The following C8orf34 variants were observed in gnomAD, a reference collection of about 807,000 sequenced individuals.
C8orf34 encodes the protein chromosome 8 open reading frame 34, also known as uncharacterized protein C8orf34.
C8orf34 carries 65 observed loss-of-function variants against 68.3 expected under a neutral mutation model. The observed-to-expected ratio is 0.95, with a 90% CI of 0.78 to 1.17. The LOEUF (loss-of-function observed/expected upper bound fraction) is 1.17, where lower values mean the gene tolerates loss of function less well. C8orf34 is among the 50% of genes most tolerant of loss of function. C8orf34 has a pLI of 0.00. For synonymous variants in C8orf34, 244 were observed against 241.2 expected (o/e 1.01, Z -0.11); for missense variants, 664 against 655.4 (o/e 1.01, Z -0.14).
At chr8:68,375,914 A>G (rs1807772874) in intron 1 of C8orf34, among the ~76,000 whole-genome samples, 1 of 152,184 alleles carries the variant, frequency 6.6e-6, no homozygotes, top group Non-Finnish European at 1.5e-5. Flanking sequence ...ATAGGTTTGA[A>G]TCAAGTCAAG....
chr8:68,634,124 G>T (rs998997048), intron 7 of C8orf34, among the ~76,000 whole-genome samples: 3 of 152,162 alleles, frequency 2.0e-5, no homozygotes, highest in African/African-American at 7.2e-5. Flanking sequence ...AGGCTTACAG[G>T]TTGAGATATT....
intron 12 of C8orf34, among the ~76,000 whole-genome samples, chr8:68,802,985 T>C (rs1824375869): frequency 6.6e-6 from 1 of 152,120 alleles, no homozygotes; most frequent in Admixed American, 6.6e-5. Context: ...ATCTGAGTAG[T>C]CGTATATCTA....
At chr8:68,408,051 C>A (rs1809276115) in intron 1 of C8orf34, among the ~76,000 whole-genome samples, 1 of 152,050 alleles carries the variant, frequency 6.6e-6, no homozygotes, top group Non-Finnish European at 1.5e-5. Context: ...GGCAAACGAG[C>A]AAAGCTTCAT....
At chr8:68,569,329 G>A (rs1816694808) in intron 7 of C8orf34, among the ~76,000 whole-genome samples, 1 of 152,238 alleles carries the variant, frequency 6.6e-6, no homozygotes, top group South Asian at 2.1e-4. Context: ...CTCTACATCT[G>A]GTGTTAGGCT....
At chr8:68,687,869 A>G (rs1195331765) in intron 8 of C8orf34, among the ~76,000 whole-genome samples, 1 of 152,168 alleles carries the variant, frequency 6.6e-6, no homozygotes, top group Non-Finnish European at 1.5e-5. Context: ...TGCATCTGAC[A>G]AAGGACTAGT....
intron 3 of C8orf34, among the ~76,000 whole-genome samples, chr8:68,457,924 G>A (rs1051226050): frequency 3.3e-5 from 5 of 152,060 alleles, no homozygotes; most frequent in Admixed American, 3.3e-4. Context: ...CTTAAATAAT[G>A]TTTTCAATCT....
chr8:68,576,311 C>T (rs1324403409), intron 7 of C8orf34, among the ~76,000 whole-genome samples: 1 of 148,442 alleles, frequency 6.7e-6, no homozygotes, highest in African/African-American at 2.6e-5. Flanking sequence ...ACTTCAAATA[C>T]TCTGTGGTAA....
intron 10 of C8orf34, among the ~76,000 whole-genome samples, chr8:68,728,673 C>T (rs1037977957): frequency 1.3e-5 from 2 of 152,190 alleles, no homozygotes; most frequent in Admixed American, 1.3e-4. Flanking sequence ...TTCACTATCA[C>T]AAGGATAGCA....
At chr8:68,407,372 TTGCC>T (rs1036278687) in intron 1 of C8orf34, among the ~76,000 whole-genome samples, 1 of 152,188 alleles carries the variant, frequency 6.6e-6, no homozygotes, top group Admixed American at 6.5e-5. Flanking sequence ...TAAGATAATT[TTGCC>T]TGCTCCCTAC....
intron 1 of C8orf34, among the ~76,000 whole-genome samples, chr8:68,352,341 A>G (rs758438355): frequency 6.6e-6 from 1 of 152,112 alleles, no homozygotes; most frequent in East Asian, 1.9e-4. Context: ...ACTATGTCTG[A>G]TATGTCATTT....
At chr8:68,690,292 A>G (rs1396485499) in intron 8 of C8orf34, among the ~76,000 whole-genome samples, 1 of 152,008 alleles carries the variant, frequency 6.6e-6, no homozygotes, top group South Asian at 2.1e-4. Context: ...CTACCTTCCT[A>G]GAATTTTTCA....
At chr8:68,669,810 G>A (rs1819951666) in intron 8 of C8orf34, among the ~76,000 whole-genome samples, 1 of 152,194 alleles carries the variant, frequency 6.6e-6, no homozygotes. Flanking sequence ...GAGTGATGGA[G>A]TTTTACATCA....
chr8:68,560,697 A>G (rs73268472), intron 7 of C8orf34, among the ~76,000 whole-genome samples: 32,233 of 152,124 alleles, frequency 0.21, 4,446 homozygotes, highest in African/African-American at 0.4. Flanking sequence ...CTAAACGTAG[A>G]AAAGTACAGT....
intron 10 of C8orf34, among the ~76,000 whole-genome samples, chr8:68,763,473 T>A (rs936981442): frequency 2.0e-5 from 3 of 152,166 alleles, no homozygotes; most frequent in Admixed American, 6.5e-5. Context: ...TACCTTCAGT[T>A]TATTTTTGTT....
At chr8:68,345,500 G>A (rs1229986991) in intron 1 of C8orf34, among the ~76,000 whole-genome samples, 1 of 151,778 alleles carries the variant, frequency 6.6e-6, no homozygotes, top group Non-Finnish European at 1.5e-5. Flanking sequence ...AAATAAGGAG[G>A]AACTGAATAA....
chr8:68,449,891 T>C (rs1208740810), intron 3 of C8orf34, among the ~76,000 whole-genome samples: 2 of 152,122 alleles, frequency 1.3e-5, no homozygotes, highest in African/African-American at 4.8e-5. Flanking sequence ...CAATAGACTC[T>C]TCTTTTCATG....
intron 8 of C8orf34, among the ~76,000 whole-genome samples, chr8:68,662,679 G>A (rs1819716922): frequency 6.6e-6 from 1 of 152,128 alleles, no homozygotes; most frequent in South Asian, 2.1e-4. Flanking sequence ...CCCAATCTCA[G>A]GTATGTCTTT....
intron 8 of C8orf34, among the ~76,000 whole-genome samples, chr8:68,651,173 C>G (rs1819347237): frequency 6.6e-6 from 1 of 152,108 alleles, no homozygotes; most frequent in South Asian, 2.1e-4. Context: ...CTTTATCTAC[C>G]TATTCATCCA....
At position 68,350,260 on chromosome 8, in the gene C8orf34, C is replaced by T. The variant is rs868366019; in HGVS notation, c.327+18921C>T. On this transcript the variant is annotated intron_variant, in intron 1 of 13. Coordinates refer to ENST00000518698, the MANE Select transcript of C8orf34 (RefSeq NM_052958.4). ...CATGATTTTGAGTGATTTTCATAGT[C>T]TTGCTTTTTTTTTTATTGTGCTGTG... Among the ~76,000 whole-genome samples the T allele has an allele frequency of 7.9e-4, 119 of 150,174 alleles. 1 individual carries two copies. The highest frequency in any genetic ancestry group is 3.5e-3 in the Middle Eastern group (1 of 284).
Sources: gnomAD v4.1 joint callset for allele counts (sites outside exome capture counted in the v4.1 genomes callset) on GRCh38, gnomAD v4.1.1 for gene constraint, MANE v1.5 for transcripts, NCBI Gene and HGNC (gene_info 2026-07-23, HGNC 2026-07-21) for gene names.